Variants in FMO4 observed in about 807,000 individuals in gnomAD.
FMO4 encodes dimethylaniline monooxygenase [N-oxide-forming] 4.
In FMO4, 38 loss-of-function variants were observed where a neutral mutation model predicts 43.3. The ratio of observed to expected loss-of-function variants is 0.88; its 90% CI spans 0.68 to 1.15. The LOEUF is 1.15. FMO4 is among the 50% of genes most tolerant of loss of function. FMO4 has a pLI of 0.00. For missense variants in FMO4, 631 were observed against 663.3 expected (o/e 0.95, Z 0.54); for synonymous variants, 224 against 232.2 (o/e 0.96, Z 0.32).
In FMO4 at chr1:171,341,786, G is replaced by C. The variant is rs1466048320; in HGVS notation, c.1624G>C (p.Asp542His). The change falls in exon 10 of 10, where the codon GAT (aspartate) becomes CAT (histidine). Residue 542 changes from aspartate to histidine, a missense_variant. Physicochemically the swap from Asp to His is moderately conservative, Grantham distance 81 (BLOSUM62 -1). Coordinates refer to ENST00000367749, the MANE Select transcript of FMO4 (RefSeq NM_002022.3). ...KSSLFLKLVR[D>H]KLQDRMSPYL... Reference sequence around the variant, plus strand: ...TTCACTTTTCTTGAAATTGGTGAGAGATAAACTACAGGACAGAATGTCCCC... The same window carrying C: ...TTCACTTTTCTTGAAATTGGTGAGACATAAACTACAGGACAGAATGTCCCC... 2 of 1,613,748 alleles carry C rather than the reference G, an allele frequency of 1.2e-6. No homozygotes were observed. Among genetic ancestry groups the C allele is most frequent in the African/African-American group, 2.7e-5 (2 of 74,910 alleles).
At chr1:171,318,316 A>AAAG in intron 2 of FMO4, among the ~76,000 whole-genome samples, 1 of 149,032 alleles carries the variant, frequency 6.7e-6, no homozygotes, top group East Asian at 2.0e-4. Flanking sequence ...GACTGTCTCA[A>AAAG]AATAATAATA....
At position 171,314,229 on chromosome 1, in the gene FMO4, A is replaced by G. The variant is rs2101866417; in HGVS notation, c.-335A>G. ...CTGTATACTTTCTGCTGTCACTAGC[A>G]TAACAGAAAAGACGAATGGCTTTTG... On this transcript the variant is annotated 5_prime_UTR_variant, in exon 1 of 10. Transcript: ENST00000367749. 6.6e-6 allele frequency: 1 copy of G among 152,294 alleles called. No homozygotes were observed. Among genetic ancestry groups the G allele is most frequent in the East Asian group, 1.9e-4 (1 of 5,186 alleles). 9.4% of individuals were successfully genotyped at this position (152,294 alleles called of 1,614,324 possible).
chr1:171,337,858 C>CT (rs1663182402), intron 9 of FMO4, among the ~76,000 whole-genome samples: 1 of 152,132 alleles, frequency 6.6e-6, no homozygotes, highest in Non-Finnish European at 1.5e-5. Context: ...TCATCCAGGC[C>CT]TGTGGCTTTA....
chr1:171,326,947 G>A (rs1247810930), intron 5 of FMO4, among the ~76,000 whole-genome samples: 2 of 151,858 alleles, frequency 1.3e-5, no homozygotes, highest in Non-Finnish European at 2.9e-5. Flanking sequence ...TTTACTTTTT[G>A]GCACTGCATT....
chr1:171,330,661 CCTGCCCCCAT>C (rs1662863997), intron 5 of FMO4, among the ~76,000 whole-genome samples: 1 of 152,136 alleles, frequency 6.6e-6, no homozygotes, highest in African/African-American at 2.4e-5. Context: ...ATGGGAAAGA[CCTGCCCCCAT>C]GATTCAGTTA....
At chr1:171,317,005 G>A (rs1209495148) in intron 2 of FMO4, among the ~76,000 whole-genome samples, 1 of 152,126 alleles carries the variant, frequency 6.6e-6, no homozygotes, top group East Asian at 1.9e-4. Flanking sequence ...TCCCAAAGGT[G>A]CAGCAGCAAA....
intron 5 of FMO4, among the ~76,000 whole-genome samples, chr1:171,330,741 G>T (rs192852436): frequency 2.0e-4 from 31 of 152,268 alleles, no homozygotes; most frequent in Admixed American, 2.0e-3. Flanking sequence ...TTCAAGATTT[G>T]GGTGGGGACA....
intron 2 of FMO4, among the ~76,000 whole-genome samples, chr1:171,317,792 T>A (rs1000427504): frequency 1.3e-5 from 2 of 152,166 alleles, no homozygotes; most frequent in East Asian, 3.9e-4. Flanking sequence ...TCAACCCATG[T>A]AATATCCTTG....
chr1:171,318,632 G>T (rs911836533), intron 2 of FMO4, among the ~76,000 whole-genome samples: 2 of 143,920 alleles, frequency 1.4e-5, no homozygotes, highest in Non-Finnish European at 3.1e-5. Context: ...TGAATTTCAT[G>T]TCAGTATTCA....
At chr1:171,335,468 A>C (rs1663082723) in intron 8 of FMO4, among the ~76,000 whole-genome samples, 2 of 152,224 alleles carry the variant, frequency 1.3e-5, no homozygotes, top group Non-Finnish European at 2.9e-5. Context: ...TCTCTAAAGC[A>C]GGGCAAATTT....
rs1571419229 is a variant in FMO4, at chr1:171,341,903, C to T, written c.*64C>T. 7.6e-7 allele frequency: 1 copy of T among 1,320,140 alleles called. No homozygotes were observed. Among genetic ancestry groups the T allele is most frequent in the Non-Finnish European group, 1.0e-6 (1 of 953,358 alleles). The allele number at this position is 1,320,140 out of a possible 1,614,324, so 81.8% of individuals were successfully genotyped here. ...TCTATCTCCAAGTATCTTGTGCATC[C>T]CTCCTCTGCTCTCCATCATAACTGC... On this transcript the variant is annotated 3_prime_UTR_variant, in exon 10 of 10. Coordinates refer to ENST00000367749, the MANE Select transcript of FMO4 (RefSeq NM_002022.3).
Position 171,319,881 on chromosome 1 carries a change from A to C in FMO4, c.56A>C (p.Lys19Thr). 2 of 1,613,848 alleles carry C rather than the reference A, an allele frequency of 1.2e-6. No homozygotes were observed. Among genetic ancestry groups the C allele is most frequent in the Non-Finnish European group, 8.5e-7 (1 of 1,179,790 alleles). ...GGTGTGAGTGGCCTCTCCTCCATCA[A>C]ATGCTGTGTGGATGAGGACCTGGAG... Reference protein sequence around the residue: ...GAGVSGLSSIKCCVDEDLEPT... With the variant: ...GAGVSGLSSITCCVDEDLEPT... Residue 19 changes from lysine to threonine, a missense_variant, in exon 3 of 10, where the codon AAA becomes ACA. Lys to Thr is a moderately conservative substitution (Grantham distance 78). Coordinates refer to ENST00000367749, the MANE Select transcript of FMO4 (RefSeq NM_002022.3).
At chr1:171,341,351 T>C (rs1257847611) in intron 9 of FMO4, 62 bp from the exon 10 acceptor site, 1 of 1,297,670 alleles carries the variant, frequency 7.7e-7, no homozygotes, top group Non-Finnish European at 1.1e-6. Flanking sequence ...GTGGGTCTGA[T>C]AACTTGAGAA....
At chr1:171,325,692 T>C (rs1662628466) in intron 5 of FMO4, among the ~76,000 whole-genome samples, 1 of 151,942 alleles carries the variant, frequency 6.6e-6, no homozygotes, top group South Asian at 2.1e-4. Flanking sequence ...CTTATGACAT[T>C]TTCTATAGGA....
intron 5 of FMO4, among the ~76,000 whole-genome samples, chr1:171,325,310 T>C (rs1469598584): frequency 6.6e-6 from 1 of 152,132 alleles, no homozygotes; most frequent in Admixed American, 6.6e-5. Flanking sequence ...TCAAATTCAG[T>C]TGAGGGAAAT....
chr1:171,334,893 T>C (rs1663058527), intron 8 of FMO4, 130 bp downstream of exon 8: 1 of 574,624 alleles, frequency 1.7e-6, no homozygotes, highest in Non-Finnish European at 3.1e-6. Flanking sequence ...TAATTGTATA[T>C]GTTTGTAATA....
intron 5 of FMO4, among the ~76,000 whole-genome samples, chr1:171,329,858 T>A (rs1662824496): frequency 6.6e-6 from 1 of 152,238 alleles, no homozygotes; most frequent in Middle Eastern, 3.2e-3. Flanking sequence ...TCACTTGGAC[T>A]GCGGGAACTA....
At chr1:171,327,385 C>T (rs1375905425) in intron 5 of FMO4, among the ~76,000 whole-genome samples, 1 of 152,150 alleles carries the variant, frequency 6.6e-6, no homozygotes, top group African/African-American at 2.4e-5. Context: ...ATCTTGAGTT[C>T]CCATACAGGC....
intron 2 of FMO4, among the ~76,000 whole-genome samples, chr1:171,316,563 T>C (rs1397334457): frequency 1.3e-5 from 2 of 152,218 alleles, no homozygotes; most frequent in Admixed American, 1.3e-4. Context: ...TAAGGTTGCT[T>C]CAGTCGGTTG....
Sources: gnomAD v4.1 joint callset for allele counts (sites outside exome capture counted in the v4.1 genomes callset) on GRCh38, gnomAD v4.1.1 for gene constraint, MANE v1.5 for transcripts, NCBI Gene and HGNC (gene_info 2026-07-23, HGNC 2026-07-21) for gene names.